The following SPAG16 variants were observed in gnomAD, a reference collection of about 807,000 sequenced individuals.
SPAG16 encodes the protein sperm associated antigen 16, also known as sperm-associated antigen 16 protein.
SPAG16 carries 86 observed loss-of-function variants against 80.4 expected under a neutral mutation model. The ratio of observed to expected loss-of-function variants is 1.07; its 90% CI spans 0.90 to 1.28. The LOEUF (loss-of-function observed/expected upper bound fraction) is 1.28. Among genes scored for constraint, SPAG16 ranks in the 50% most tolerant of loss-of-function variants. The pLI, the probability that SPAG16 is intolerant of heterozygous loss-of-function variation, is 0.00. For missense variants in SPAG16, 870 were observed against 765.3 expected, an observed-to-expected ratio of 1.14 and a Z score of -1.61; for synonymous variants, 294 against 265.9, an observed-to-expected ratio of 1.11 and a Z score of -1.03.
chr2:213,508,592 A>G (rs2075073120), intron 10 of SPAG16, among the ~76,000 whole-genome samples: 1 of 152,206 alleles, frequency 6.6e-6, no homozygotes, highest in Non-Finnish European at 1.5e-5. Context: ...AGAAAAAAAA[A>G]AATGATGAGT....
chr2:214,089,372 G>A (rs562451956), intron 13 of SPAG16, among the ~76,000 whole-genome samples: 1 of 152,204 alleles, frequency 6.6e-6, no homozygotes, highest in Admixed American at 6.6e-5. Flanking sequence ...TTCTGAGCTA[G>A]TAACCCATCT....
chr2:213,345,066 T>C (rs79640202), intron 6 of SPAG16, among the ~76,000 whole-genome samples: 109,374 of 116,240 alleles, frequency 0.94, 51,418 homozygotes, highest in Non-Finnish European at 0.98. Flanking sequence ...TTTTAATGAT[T>C]GCCATTCTAA....
At chr2:213,842,257 CAT>C (rs1403899728) in intron 10 of SPAG16, among the ~76,000 whole-genome samples, 1 of 152,082 alleles carries the variant, frequency 6.6e-6, no homozygotes, top group Non-Finnish European at 1.5e-5. Flanking sequence ...AGTCTAATAA[CAT>C]ATCGTAGCAG....
intron 15 of SPAG16, among the ~76,000 whole-genome samples, chr2:214,311,314 C>T (rs1040120644): frequency 6.6e-6 from 1 of 152,088 alleles, no homozygotes; most frequent in Non-Finnish European, 1.5e-5. Flanking sequence ...TTTTGAGGTT[C>T]CCTGGGTAGG....
At chr2:214,323,370 C>T (rs2125997528) in intron 15 of SPAG16, among the ~76,000 whole-genome samples, 1 of 151,452 alleles carries the variant, frequency 6.6e-6, no homozygotes, top group East Asian at 1.9e-4. Context: ...AGGGATTATG[C>T]TTATATTTAA....
chr2:214,244,368 C>T (rs1421928434), intron 15 of SPAG16, among the ~76,000 whole-genome samples: 1 of 147,708 alleles, frequency 6.8e-6, no homozygotes. Context: ...CAGCATGTGA[C>T]TTCTTCAATG....
intron 15 of SPAG16, among the ~76,000 whole-genome samples, chr2:214,255,707 A>T (rs1399776989): frequency 6.6e-6 from 1 of 151,942 alleles, no homozygotes; most frequent in Non-Finnish European, 1.5e-5. Flanking sequence ...GGTGGTTTTC[A>T]ACCATATATT....
chr2:213,772,082 A>G (rs917302082), intron 10 of SPAG16, among the ~76,000 whole-genome samples: 4 of 152,216 alleles, frequency 2.6e-5, no homozygotes, highest in Non-Finnish European at 5.9e-5. Flanking sequence ...CTGTCTGAGC[A>G]TGGAATGTTT....
At chr2:214,258,469 G>GTA (rs1200065696) in intron 15 of SPAG16, among the ~76,000 whole-genome samples, 334 of 68,118 alleles carry the variant, frequency 4.9e-3, no homozygotes, top group Non-Finnish European at 9.8e-3. Flanking sequence ...GTATGTGTGT[G>GTA]TGTATATATA....
intron 15 of SPAG16, among the ~76,000 whole-genome samples, chr2:214,288,469 G>T (rs1401402319): frequency 6.6e-6 from 1 of 151,948 alleles, no homozygotes; most frequent in Non-Finnish European, 1.5e-5. Flanking sequence ...GAATCTTATG[G>T]TAGTATTATT....
intron 10 of SPAG16, among the ~76,000 whole-genome samples, chr2:213,712,460 T>C (rs946307790): frequency 6.6e-6 from 1 of 152,294 alleles, no homozygotes; most frequent in African/African-American, 2.4e-5. Context: ...GAAATACCAC[T>C]GCACTTCAAA....
chr2:213,380,836 T>C (rs2067134815), intron 9 of SPAG16, among the ~76,000 whole-genome samples: 1 of 152,124 alleles, frequency 6.6e-6, no homozygotes, highest in South Asian at 2.1e-4. Context: ...CCTGGACCTG[T>C]TTCAGAGCGT....
chr2:213,341,555 C>T (rs1455757921), intron 6 of SPAG16, among the ~76,000 whole-genome samples: 4 of 152,046 alleles, frequency 2.6e-5, no homozygotes, highest in African/African-American at 9.7e-5. Flanking sequence ...TTTTTAGAGT[C>T]AGACTCTCAT....
intron 13 of SPAG16, among the ~76,000 whole-genome samples, chr2:214,038,975 CTATTGTGA>C (rs1172952531): frequency 4.6e-5 from 7 of 152,126 alleles, no homozygotes; most frequent in African/African-American, 1.4e-4. Context: ...CAAGTCTTTG[CTATTGTGA>C]ATAGTGCCGC....
At position 213,494,882 on chromosome 2, in the gene SPAG16, G is replaced by A. The variant is rs80313458; in HGVS notation, c.1070+4792G>A. On this transcript the variant is annotated intron_variant, in intron 10 of 15. Transcript: ENST00000331683. The stretch of plus-strand genomic sequence containing the variant: ...CATGCCACACTTATTCCTACTCCAA[G>A]GTCTTTCCACTACCTTCTCCACAGA... 5.9e-3 allele frequency among the ~76,000 whole-genome samples: 893 copies of A among 152,104 alleles called. 8 individuals carry two copies. The highest frequency in any genetic ancestry group is 0.021 in the African/African-American group (871 of 41,466).
At chr2:213,887,969 AAGAT>A (rs773985614) in intron 11 of SPAG16, among the ~76,000 whole-genome samples, 98 of 151,970 alleles carry the variant, frequency 6.4e-4, no homozygotes, top group Non-Finnish European at 1.0e-3. Context: ...TGCTTTTAGA[AAGAT>A]AGAGTTATTG....
At chr2:214,339,082 C>G (rs1206273133) in intron 15 of SPAG16, among the ~76,000 whole-genome samples, 1 of 152,094 alleles carries the variant, frequency 6.6e-6, no homozygotes, top group African/African-American at 2.4e-5. Context: ...TCAATAGATA[C>G]CCAATCAAAT....
chr2:214,163,627 CAT>C (rs745565184), intron 15 of SPAG16, among the ~76,000 whole-genome samples: 21 of 109,498 alleles, frequency 1.9e-4, no homozygotes, highest in African/African-American at 5.2e-4. Flanking sequence ...CACATATATA[CAT>C]ATATATATAG....
intron 13 of SPAG16, among the ~76,000 whole-genome samples, chr2:214,038,807 C>T (rs1468800270): frequency 6.6e-6 from 1 of 151,446 alleles, no homozygotes; most frequent in Non-Finnish European, 1.5e-5. Flanking sequence ...GTTTTTTGTC[C>T]TTGTGATAGT....
Sources: gnomAD v4.1 joint callset for allele counts (sites outside exome capture counted in the v4.1 genomes callset) on GRCh38, gnomAD v4.1.1 for gene constraint, MANE v1.5 for transcripts, NCBI Gene and HGNC (gene_info 2026-07-23, HGNC 2026-07-21) for gene names.